THSD7B: variants seen among roughly 807,000 people sequenced by gnomAD.
The protein encoded by THSD7B is thrombospondin type 1 domain containing 7B.
THSD7B carries 138 observed loss-of-function variants against 213.6 expected under a neutral mutation model. The observed-to-expected ratio is 0.65, with a 90% CI of 0.56 to 0.74. The LOEUF is 0.74. Among genes scored for constraint, THSD7B ranks in the 30% least tolerant of loss-of-function variants. The pLI is 0.00. For synonymous variants in THSD7B, 742 were observed against 687.0 expected, an observed-to-expected ratio of 1.08 and a Z score of -1.25; for missense variants, 1,931 against 1,991.5, an observed-to-expected ratio of 0.97 and a Z score of 0.58.
intron 2 of THSD7B, among the ~76,000 whole-genome samples, chr2:137,009,529 G>T (rs985025490): frequency 6.6e-6 from 1 of 152,140 alleles, no homozygotes; most frequent in Non-Finnish European, 1.5e-5. Flanking sequence ...TAAAGAAATA[G>T]AGGTTTAATG....
intron 2 of THSD7B, among the ~76,000 whole-genome samples, chr2:136,910,629 G>A (rs543763470): frequency 4.1e-4 from 62 of 152,228 alleles, no homozygotes; most frequent in African/African-American, 1.4e-3. Context: ...ACGTGGAGAA[G>A]AATCAAAGTG....
At chr2:137,314,422 C>A (rs370401437) in intron 12 of THSD7B, among the ~76,000 whole-genome samples, 54 of 152,214 alleles carry the variant, frequency 3.5e-4, no homozygotes, top group African/African-American at 1.1e-3. Context: ...ATTTTTTTCA[C>A]AGTTTTCAAC....
At chr2:137,469,152 A>C (rs1261491949) in intron 15 of THSD7B, among the ~76,000 whole-genome samples, 1 of 152,220 alleles carries the variant, frequency 6.6e-6, no homozygotes, top group Non-Finnish European at 1.5e-5. Flanking sequence ...TTGGGATTAC[A>C]GGGATTAATA....
chr2:136,801,704 G>A (rs572654499), intron 1 of THSD7B, among the ~76,000 whole-genome samples: 10 of 152,176 alleles, frequency 6.6e-5, no homozygotes, highest in Admixed American at 4.6e-4. Flanking sequence ...AAAGCGAGGA[G>A]GATGGTTTGA....
At chr2:137,401,771 G>T (rs1686370989) in intron 12 of THSD7B, among the ~76,000 whole-genome samples, 1 of 151,662 alleles carries the variant, frequency 6.6e-6, no homozygotes, top group Admixed American at 6.6e-5. Flanking sequence ...GCATTTGTTG[G>T]CATTTAGAAA....
At chr2:137,307,942 G>A (rs1226148067) in intron 12 of THSD7B, among the ~76,000 whole-genome samples, 2 of 151,962 alleles carry the variant, frequency 1.3e-5, no homozygotes, top group Non-Finnish European at 2.9e-5. Context: ...ACTACTACCT[G>A]ACAGGAAGTA....
chr2:137,272,715 A>C (rs553248987), intron 11 of THSD7B, 53 bp downstream of exon 11: 97 of 1,568,528 alleles, frequency 6.2e-5, no homozygotes, highest in Non-Finnish European at 3.4e-5. Flanking sequence ...ATTATAACCT[A>C]TTTTCTTTCA....
At chr2:137,283,610 CGTT>C (rs1182645137) in intron 12 of THSD7B, among the ~76,000 whole-genome samples, 1 of 151,384 alleles carries the variant, frequency 6.6e-6, no homozygotes, top group Non-Finnish European at 1.5e-5. Context: ...TAGCATGAAG[CGTT>C]GTTGAATTTT....
rs189722599 is a variant in THSD7B at position 137,077,175 on chromosome 2, A to G, written c.951-17698A>G. On this transcript the variant is annotated intron_variant, in intron 3 of 27. Coordinates refer to ENST00000409968, the MANE Select transcript of THSD7B (RefSeq NM_001316349.2). Reference sequence around the variant, plus strand: ...ATGAACTCATCATTTTTATGGCTGCATAGTATTCCATGGAGTATATGTGCC... The same window carrying G: ...ATGAACTCATCATTTTTATGGCTGCGTAGTATTCCATGGAGTATATGTGCC... Among the ~76,000 whole-genome samples the G allele has an allele frequency of 6.4e-3, 981 of 152,190 alleles. 12 individuals are homozygous for G. The highest frequency in any genetic ancestry group is 0.022 in the African/African-American group (933 of 41,524).
chr2:137,335,229 TA>T (rs946667233), intron 12 of THSD7B, among the ~76,000 whole-genome samples: 1 of 152,202 alleles, frequency 6.6e-6, no homozygotes, highest in Non-Finnish European at 1.5e-5. Flanking sequence ...TTTATAAGTT[TA>T]AAAACTACCT....
intron 17 of THSD7B, among the ~76,000 whole-genome samples, chr2:137,572,840 T>C (rs1345842819): frequency 1.3e-5 from 2 of 152,144 alleles, no homozygotes; most frequent in Non-Finnish European, 2.9e-5. Flanking sequence ...GTGCACCCAT[T>C]GTGAAAGGAG....
At chr2:137,391,491 C>T (rs1000949545) in intron 12 of THSD7B, among the ~76,000 whole-genome samples, 1 of 152,000 alleles carries the variant, frequency 6.6e-6, no homozygotes, top group African/African-American at 2.4e-5. Flanking sequence ...GATTCGAGAC[C>T]AGCCTGGCCA....
chr2:137,315,472 G>A (rs955542670), intron 12 of THSD7B, among the ~76,000 whole-genome samples: 5 of 152,094 alleles, frequency 3.3e-5, no homozygotes, highest in East Asian at 1.9e-4. Flanking sequence ...CGTCTTCTGC[G>A]TCGCTCATGC....
At chr2:136,881,973 A>T (rs1474890588) in intron 1 of THSD7B, among the ~76,000 whole-genome samples, 171 bp from the exon 2 acceptor site, 2 of 152,184 alleles carry the variant, frequency 1.3e-5, no homozygotes, top group African/African-American at 2.4e-5. Flanking sequence ...GTAAAAACAG[A>T]ATGTGGATTT....
rs376785416 is a variant in THSD7B, at chr2:137,039,375, G to A, written c.140-17045G>A. ...CTATGGTGATTTTGCTCCCCAAGGG[G>A]CATTTGGCAATGTCTGGAGACATTT... On this transcript the variant is annotated intron_variant, in intron 2 of 27. Transcript: ENST00000409968. Among the ~76,000 whole-genome samples the A allele has an allele frequency of 2.0e-5, 3 of 152,164 alleles. No homozygotes were observed. In the South Asian group the frequency reaches 6.2e-4, roughly 31 times the overall value.
chr2:136,990,495 C>A (rs1434660879), intron 2 of THSD7B, among the ~76,000 whole-genome samples: 1 of 152,044 alleles, frequency 6.6e-6, no homozygotes, highest in Non-Finnish European at 1.5e-5. Context: ...GGGGACCATG[C>A]CAGGCAGGGA....
At position 137,474,780 on chromosome 2, in the gene THSD7B, CCTTAT is replaced by C. The variant is rs1410519299; in HGVS notation, c.3138+23759_3138+23763del. Reference sequence around the variant, plus strand: ...GATTAAACTCTCATAATCCCAATATCCTTATCACAAATGATGAAAATAGTTTCTAT... The same window carrying C: ...GATTAAACTCTCATAATCCCAATATCCACAAATGATGAAAATAGTTTCTAT... On this transcript the variant is annotated intron_variant, in intron 15 of 27. Transcript: ENST00000409968. Among the ~76,000 whole-genome samples the C allele has an allele frequency of 4.6e-5, 7 of 152,092 alleles. 1 individual carries two copies. The highest frequency in any genetic ancestry group is 4.6e-4 in the Admixed American group (7 of 15,270).
At chr2:137,653,032 T>C (rs1434038119) in intron 21 of THSD7B, among the ~76,000 whole-genome samples, 1 of 152,152 alleles carries the variant, frequency 6.6e-6, no homozygotes, top group Non-Finnish European at 1.5e-5. Context: ...ATGTGCTTAA[T>C]TTTTCCTGTG....
At chr2:137,115,986 C>CAGT (rs1440530330) in intron 5 of THSD7B, among the ~76,000 whole-genome samples, 1 of 152,168 alleles carries the variant, frequency 6.6e-6, no homozygotes. Context: ...AGAACCCAAG[C>CAGT]AGTACTCCCT....
Sources: gnomAD v4.1 joint callset for allele counts (sites outside exome capture counted in the v4.1 genomes callset) on GRCh38, gnomAD v4.1.1 for gene constraint, MANE v1.5 for transcripts, NCBI Gene and HGNC (gene_info 2026-07-23, HGNC 2026-07-21) for gene names.